The following RUNDC3B variants were observed in gnomAD, a reference collection of about 807,000 sequenced individuals.
RUNDC3B encodes the protein RUN domain-containing protein 3B.
RUNDC3B carries 33 observed loss-of-function variants against 58.4 expected under a neutral mutation model. The ratio of observed to expected loss-of-function variants is 0.56; its 90% CI spans 0.43 to 0.75. The LOEUF (loss-of-function observed/expected upper bound fraction) is 0.75, where lower values mean the gene tolerates loss of function less well. RUNDC3B is among the 30% of genes least tolerant of loss of function. The pLI, the probability that RUNDC3B is intolerant of heterozygous loss-of-function variation, is 0.00. For missense variants in RUNDC3B, 501 were observed against 535.7 expected, an observed-to-expected ratio of 0.94 and a Z score of 0.64; for synonymous variants, 193 against 195.2, an observed-to-expected ratio of 0.99 and a Z score of 0.10.
At chr7:87,630,069 G>A (rs6963426) in intron 1 of RUNDC3B, among the ~76,000 whole-genome samples, 150,581 of 152,324 alleles carry the variant, frequency 0.99, 74,437 homozygotes, top group East Asian at 1. Context: ...ACTTCTCTGA[G>A]CCATTAAGTT....
intron 2 of RUNDC3B, among the ~76,000 whole-genome samples, chr7:87,659,761 C>T (rs1007411822): frequency 6.6e-6 from 1 of 152,148 alleles, no homozygotes; most frequent in Non-Finnish European, 1.5e-5. Context: ...AGCCAGTCTT[C>T]CTTTTTATCT....
intron 6 of RUNDC3B, among the ~76,000 whole-genome samples, chr7:87,750,996 G>T (rs1391741088): frequency 2.0e-5 from 3 of 152,044 alleles, no homozygotes; most frequent in Non-Finnish European, 4.4e-5. Context: ...TTTCTTCTAG[G>T]GTTTTTATAG....
chr7:87,747,070 T>C (rs1275208947), intron 6 of RUNDC3B, among the ~76,000 whole-genome samples: 2 of 152,010 alleles, frequency 1.3e-5, no homozygotes, highest in Non-Finnish European at 2.9e-5. Flanking sequence ...ATTACCAGGG[T>C]TGGTTTTCTG....
At chr7:87,766,717 C>T (rs1833997644) in intron 6 of RUNDC3B, among the ~76,000 whole-genome samples, 1 of 151,788 alleles carries the variant, frequency 6.6e-6, no homozygotes, top group African/African-American at 2.4e-5. Flanking sequence ...TGATCATATG[C>T]CTTGGTGGTG....
Position 87,831,178 on chromosome 7 carries a change from C to T in RUNDC3B, c.*1148C>T, listed in dbSNP as rs575883536. ...ATCCCACCATACTGAAAATGTATGGCGTGTATTTTCTATAGTAAGTAATAT... is the reference window on the plus strand; with the variant it reads ...ATCCCACCATACTGAAAATGTATGGTGTGTATTTTCTATAGTAAGTAATAT... On this transcript the variant is annotated 3_prime_UTR_variant, in exon 11 of 11. Transcript: ENST00000394654. 6 of 150,726 alleles carry T rather than the reference C, an allele frequency of 4.0e-5. No individual in the cohort carries two copies. Among genetic ancestry groups the T allele is most frequent in the East Asian group, 3.9e-4 (2 of 5,134 alleles). The allele number at this position is 150,726 out of a possible 1,614,324, so 9.3% of individuals were successfully genotyped here.
intron 6 of RUNDC3B, among the ~76,000 whole-genome samples, chr7:87,761,237 A>G (rs1833663689): frequency 1.3e-5 from 2 of 152,114 alleles, no homozygotes; most frequent in South Asian, 2.1e-4. Flanking sequence ...ACTCAACATC[A>G]TTAGTCATTA....
intron 2 of RUNDC3B, among the ~76,000 whole-genome samples, chr7:87,699,121 A>G (rs758554892): frequency 6.6e-6 from 1 of 152,140 alleles, no homozygotes; most frequent in Non-Finnish European, 1.5e-5. Flanking sequence ...TATCTCAGAC[A>G]TTGGTCCTAA....
chr7:87,702,166 A>C (rs1317916117), intron 3 of RUNDC3B, among the ~76,000 whole-genome samples: 8 of 149,464 alleles, frequency 5.4e-5, no homozygotes, highest in South Asian at 2.1e-4. Flanking sequence ...AAAAAAAAAA[A>C]AAAAAACAGA....
At chr7:87,737,230 A>C (rs10266746) in intron 4 of RUNDC3B, among the ~76,000 whole-genome samples, 1 of 152,056 alleles carries the variant, frequency 6.6e-6, no homozygotes. Flanking sequence ...AAATATTTTT[A>C]ACTGAAAAAA....
At chr7:87,814,626 G>T (rs549308308) in intron 9 of RUNDC3B, among the ~76,000 whole-genome samples, 35 of 152,192 alleles carry the variant, frequency 2.3e-4, no homozygotes, top group Non-Finnish European at 7.4e-5. Context: ...ATGTAGACAA[G>T]TGCCCAACAT....
At chr7:87,668,294 C>G (rs763219041) in intron 2 of RUNDC3B, among the ~76,000 whole-genome samples, 8 of 152,000 alleles carry the variant, frequency 5.3e-5, no homozygotes, top group Non-Finnish European at 1.0e-4. Context: ...ATAGTAGTTT[C>G]TCTTGGTTGT....
At chr7:87,710,419 C>A (rs868836553) in intron 3 of RUNDC3B, 151 bp from the exon 4 acceptor site, 25 of 552,124 alleles carry the variant, frequency 4.5e-5, no homozygotes, top group South Asian at 4.3e-4. Context: ...TCAAAATTTA[C>A]CTATTTTTAT....
At chr7:87,698,970 G>T (rs1006421725) in intron 2 of RUNDC3B, among the ~76,000 whole-genome samples, 1 of 152,088 alleles carries the variant, frequency 6.6e-6, no homozygotes, top group Non-Finnish European at 1.5e-5. Flanking sequence ...ATACTAGGGG[G>T]CGATTTTTAA....
chr7:87,729,585 A>T lies in RUNDC3B; in HGVS notation c.459-10206A>T, dbSNP rs575967315. Among the ~76,000 whole-genome samples the T allele has an allele frequency of 1.2e-4, 19 of 152,320 alleles. No homozygotes were observed. The East Asian group carries it at 3.5e-3, about 28-fold the overall frequency. ...CAGTGGTAGGAGCCTGAGTTCAGGC[A>T]AGACCTACCAGTATGGGCTAAAGTT... On this transcript the variant is annotated intron_variant, in intron 4 of 10. Coordinates refer to ENST00000394654, the MANE Select transcript of RUNDC3B (RefSeq NM_001134405.2).
At chr7:87,700,325 A>C in intron 2 of RUNDC3B, 96 bp from the exon 3 acceptor site, 1 of 1,082,302 alleles carries the variant, frequency 9.2e-7, no homozygotes, top group Non-Finnish European at 1.3e-6. Flanking sequence ...AGTTCACTAT[A>C]TTACCTTTAT....
intron 8 of RUNDC3B, among the ~76,000 whole-genome samples, chr7:87,780,015 T>G (rs886753031): frequency 2.0e-5 from 3 of 152,212 alleles, no homozygotes; most frequent in African/African-American, 7.2e-5. Context: ...TACCACATTT[T>G]CTTTATCCAA....
In RUNDC3B at chr7:87,770,716, T is replaced by C. The variant is rs1834232149; in HGVS notation, c.765T>C (p.Val255=). Residue 255 remains valine, a synonymous_variant, in exon 7 of 11, where the codon GTT becomes GTC. Transcript: ENST00000394654. ...GTTGGTTCAACAAGTGTAAGAGAGT[T>C]AAACAAAAGTATCAGCTTACCCTGG... is the stretch of plus-strand genomic sequence containing the variant. ...ENSWFNKCKR[V]KQKYQLTLEQ... The C allele has an allele frequency of 1.2e-6, 2 of 1,612,962 alleles. No homozygotes were observed. The highest frequency in any genetic ancestry group is 2.7e-5 in the African/African-American group (2 of 74,908).
intron 1 of RUNDC3B, among the ~76,000 whole-genome samples, chr7:87,635,440 T>G (rs1475939522): frequency 6.6e-6 from 1 of 152,222 alleles, no homozygotes; most frequent in African/African-American, 2.4e-5. Flanking sequence ...TTCAAGCAAT[T>G]GATTTATTTG....
At chr7:87,693,804 A>G in intron 2 of RUNDC3B, 1 of 1,073,970 alleles carries the variant, frequency 9.3e-7, no homozygotes, top group Non-Finnish European at 1.4e-6. Context: ...CTGCTTCAAA[A>G]TTATATGTAG....
Sources: allele counts gnomAD v4.1 joint callset (sites outside exome capture counted in the v4.1 genomes callset), GRCh38; gene constraint gnomAD v4.1.1; transcripts MANE v1.5; gene names NCBI Gene and HGNC (gene_info 2026-07-23, HGNC 2026-07-21).